PDE4D: variants seen among roughly 807,000 people sequenced by gnomAD.
PDE4D encodes the protein phosphodiesterase 4D.
In PDE4D, 24 loss-of-function variants were observed where a neutral mutation model predicts 87.4. The ratio of observed to expected loss-of-function variants is 0.27; its 90% CI spans 0.20 to 0.39. PDE4D has a LOEUF of 0.39. Ranked by LOEUF, PDE4D falls within the 10% of genes least tolerant of loss-of-function variation. PDE4D has a pLI of 1.00. For synonymous variants in PDE4D, 384 were observed against 383.2 expected (o/e 1.00, Z -0.02); for missense variants, 714 against 1,041.0 (o/e 0.69, Z 4.32).
At chr5:59,109,142 G>T (rs1285505825) in intron 5 of PDE4D, among the ~76,000 whole-genome samples, 1 of 151,362 alleles carries the variant, frequency 6.6e-6, no homozygotes, top group Non-Finnish European at 1.5e-5. Flanking sequence ...GTTTCATAAT[G>T]CACATAGAAG....
At chr5:59,044,203 C>T (rs1052063808) in intron 5 of PDE4D, among the ~76,000 whole-genome samples, 6 of 152,196 alleles carry the variant, frequency 3.9e-5, no homozygotes, top group Non-Finnish European at 7.3e-5. Flanking sequence ...TTCTTCACAT[C>T]CTCTCCAGCA....
At chr5:59,539,610 AAT>A (rs1163362092) in intron 1 of PDE4D, among the ~76,000 whole-genome samples, 6 of 152,202 alleles carry the variant, frequency 3.9e-5, no homozygotes, top group Admixed American at 1.3e-4. Context: ...CTCAAAAAAG[AAT>A]ATATGTCTAG....
Position 59,200,003 on chromosome 5 carries a change from CAACA to C in PDE4D, c.648-6471_648-6468del, listed in dbSNP as rs1458172404. On this transcript the variant is annotated intron_variant, in intron 2 of 14. Coordinates refer to ENST00000340635, the MANE Select transcript of PDE4D (RefSeq NM_001104631.2). Reference sequence around the variant, plus strand: ...ATATATACACATGCATACATGCATGCAACATACATACATGCACATATACATACAT... The same window carrying C: ...ATATATACACATGCATACATGCATGCTACATACATGCACATATACATACAT... 4.8e-5 allele frequency among the ~76,000 whole-genome samples: 7 copies of C among 146,894 alleles called. No individual in the cohort carries two copies. The East Asian group carries it at 1.4e-3, about 29-fold the overall frequency.
At chr5:60,121,746 C>T (rs758471033) in intron 2 of PDE4D, among the ~76,000 whole-genome samples, 2 of 152,132 alleles carry the variant, frequency 1.3e-5, no homozygotes, top group Admixed American at 6.5e-5. Context: ...CCAAATCTCA[C>T]GTCCTCACAT....
rs185487686 is a variant in PDE4D at position 60,094,805 on chromosome 5, G to T, written c.42+90752C>A. ...AGACTCCTAGCCTCCAGAACTGTGA[G>T]GCAATACATACATTTCTCTTGTTTA... On this transcript the variant is annotated intron_variant, in intron 2 of 16. Coordinates refer to the PDE4D transcript ENST00000502484. Among the ~76,000 whole-genome samples the T allele has an allele frequency of 3.8e-3, 580 of 151,902 alleles. 1 individual carries two copies. Among genetic ancestry groups the T allele is most frequent in the African/African-American group, 0.013 (558 of 41,462 alleles).
intron 1 of PDE4D, among the ~76,000 whole-genome samples, chr5:60,468,137 C>CTTTTTTTTTTTTTTTTTTTTTTTTT (rs570783072): frequency 4.2e-5 from 6 of 141,218 alleles, no homozygotes; most frequent in South Asian, 2.3e-4. Flanking sequence ...TTTCTTTTTT[C>CTTTTTTTTTTTTTTTTTTTTTTTTT]TTTTTTTTTT....
rs1238132955 is a variant in PDE4D, at chr5:60,200,264, T to A, written c.-89-14577A>T. Reference sequence around the variant, plus strand: ...ATCAAGGTAGAGAAAGCTGAAATAATCATCACAAGATTACATGGCTAGTAA... The same window carrying A: ...ATCAAGGTAGAGAAAGCTGAAATAAACATCACAAGATTACATGGCTAGTAA... On this transcript the variant is annotated intron_variant, in intron 1 of 16. Coordinates refer to the PDE4D transcript ENST00000502484. 1.3e-5 allele frequency among the ~76,000 whole-genome samples: 2 copies of A among 151,668 alleles called. 1 individual carries two copies.
In PDE4D at chr5:58,973,959, A is replaced by G. The variant is rs1195881999; in HGVS notation, c.*705T>C. 6.6e-6 allele frequency: 1 copy of G among 152,654 alleles called. No individual in the cohort carries two copies. Among genetic ancestry groups the G allele is most frequent in the Admixed American group, 6.5e-5 (1 of 15,284 alleles). 9.5% of individuals were successfully genotyped at this position (152,654 alleles called of 1,614,324 possible). A position where few individuals can be genotyped will look rare whatever the true frequency, so the allele number is the denominator to read the frequency against. On this transcript the variant is annotated 3_prime_UTR_variant, in exon 15 of 15. Coordinates refer to ENST00000340635, the MANE Select transcript of PDE4D (RefSeq NM_001104631.2). ...TAGATTTTTATCCAGTGTAGCACAG[A>G]TTTGTACTGAAAACTTGCAAGTTAC...
At chr5:59,210,551 G>T (rs72765910) in intron 2 of PDE4D, among the ~76,000 whole-genome samples, 7,686 of 152,286 alleles carry the variant, frequency 0.05, 261 homozygotes, top group Non-Finnish European at 0.072. Context: ...CACCCCGAAG[G>T]CCTGATCAGT....
At chr5:60,362,831 C>T (rs1466251047) in intron 1 of PDE4D, among the ~76,000 whole-genome samples, 3 of 151,518 alleles carry the variant, frequency 2.0e-5, no homozygotes, top group Middle Eastern at 3.2e-3. Context: ...TGCACTCCAG[C>T]CCCCTGGGTG....
chr5:59,863,717 G>A (rs1193690096), intron 1 of PDE4D, among the ~76,000 whole-genome samples: 1 of 152,198 alleles, frequency 6.6e-6, no homozygotes, highest in Non-Finnish European at 1.5e-5. Context: ...TGATGGAAAT[G>A]ATAGCAAACA....
At chr5:60,194,252 C>A (rs1384964784) in intron 1 of PDE4D, among the ~76,000 whole-genome samples, 2 of 151,590 alleles carry the variant, frequency 1.3e-5, no homozygotes, top group East Asian at 3.9e-4. Context: ...CTCTAAAGAT[C>A]CTAGACCTCC....
At chr5:60,045,705 C>G (rs551679108) in intron 2 of PDE4D, among the ~76,000 whole-genome samples, 6 of 152,286 alleles carry the variant, frequency 3.9e-5, no homozygotes, top group Non-Finnish European at 7.3e-5. Context: ...GGGCTCTGTT[C>G]TGTTCCATTG....
In PDE4D at chr5:60,209,906, C is replaced by G. The variant is rs561907458; in HGVS notation, c.-89-24219G>C. Among the ~76,000 whole-genome samples the G allele has an allele frequency of 1.2e-4, 19 of 152,286 alleles. No homozygotes were observed. In the South Asian group the frequency reaches 3.9e-3, roughly 32 times the overall value. On this transcript the variant is annotated intron_variant, in intron 1 of 16. Coordinates refer to the PDE4D transcript ENST00000502484. Reference sequence around the variant, plus strand: ...TTGAGAATTTAATAAAAGCTACCATCAGAAACCTTGCTAAGTAAGTAAATT... The same window carrying G: ...TTGAGAATTTAATAAAAGCTACCATGAGAAACCTTGCTAAGTAAGTAAATT...
intron 6 of PDE4D, among the ~76,000 whole-genome samples, chr5:59,009,903 G>A (rs954621668): frequency 6.6e-6 from 1 of 152,176 alleles, no homozygotes. Flanking sequence ...GCATAGTTAT[G>A]TATGATAAAA....
chr5:59,470,859 A>G (rs1477465194), intron 1 of PDE4D, among the ~76,000 whole-genome samples: 1 of 152,174 alleles, frequency 6.6e-6, no homozygotes, highest in African/African-American at 2.4e-5. Context: ...TCCACTATTA[A>G]ATGAAATATA....
At chr5:60,238,185 T>C (rs1196182022) in intron 1 of PDE4D, among the ~76,000 whole-genome samples, 3 of 152,018 alleles carry the variant, frequency 2.0e-5, no homozygotes, top group Non-Finnish European at 2.9e-5. Context: ...GTTGCTATTA[T>C]GTTGTTTATT....
chr5:59,449,577 T>C (rs952352392), intron 1 of PDE4D, among the ~76,000 whole-genome samples: 2 of 152,222 alleles, frequency 1.3e-5, no homozygotes, highest in South Asian at 2.1e-4. Context: ...TCTTTACTCA[T>C]AGCATTCATG....
At chr5:59,803,132 A>C (rs1349036487) in intron 1 of PDE4D, among the ~76,000 whole-genome samples, 1 of 152,126 alleles carries the variant, frequency 6.6e-6, no homozygotes, top group African/African-American at 2.4e-5. Flanking sequence ...CCAGGGGAGT[A>C]CGGCACAGGA....
Sources: gnomAD v4.1 joint callset for allele counts (sites outside exome capture counted in the v4.1 genomes callset) on GRCh38, gnomAD v4.1.1 for gene constraint, MANE v1.5 for transcripts, NCBI Gene and HGNC (gene_info 2026-07-23, HGNC 2026-07-21) for gene names.